SLC18A2: variants seen among roughly 807,000 people sequenced by gnomAD.
SLC18A2 encodes solute carrier family 18 member A2.
Under a neutral mutation model 59.2 loss-of-function variants are expected in SLC18A2, and 33 were observed. The observed-to-expected ratio is 0.56, with a 90% CI of 0.42 to 0.75. The LOEUF is 0.75. SLC18A2 is among the 30% of genes least tolerant of loss of function. The pLI is 0.00. For missense variants in SLC18A2, 569 were observed against 668.6 expected (o/e 0.85, Z 1.64); for synonymous variants, 228 against 253.5 (o/e 0.90, Z 0.95).
intron 15 of SLC18A2, among the ~76,000 whole-genome samples, chr10:117,276,613 C>A (rs1234040291): frequency 1.6e-3 from 74 of 46,736 alleles, no homozygotes; most frequent in East Asian, 3.5e-3. Flanking sequence ...GACTTCATCT[C>A]AAAAAAAAAA....
Position 117,277,235 on chromosome 10 carries a change from TAG to T in SLC18A2, c.1515_1516del (p.Ile505MetfsTer2). The T allele has an allele frequency of 1.2e-6, 2 of 1,609,846 alleles. No homozygotes were observed. Among genetic ancestry groups the T allele is most frequent in the Non-Finnish European group, 1.7e-6 (2 of 1,176,882 alleles). ...CAGAATAATATCCAGTCATATCCGA[TAG>T]GTGAAGATGAAGAATCTGAAAGTGA... On this transcript the variant is annotated frameshift_variant, in exon 16 of 16. Coordinates refer to ENST00000644641, the MANE Select transcript of SLC18A2 (RefSeq NM_003054.6). LOFTEE classifies it high-confidence loss of function.
At chr10:117,267,114 C>T (rs1187783508) in intron 12 of SLC18A2, 79 bp downstream of exon 12, 2 of 1,066,214 alleles carry the variant, frequency 1.9e-6, no homozygotes, top group Non-Finnish European at 1.4e-6. Flanking sequence ...CACCAAGAAA[C>T]ATTTTACGTT....
chr10:117,246,990 A>G (rs1166427428), intron 3 of SLC18A2, among the ~76,000 whole-genome samples: 1 of 152,186 alleles, frequency 6.6e-6, no homozygotes, highest in African/African-American at 2.4e-5. Flanking sequence ...CTGATTTGTA[A>G]TTTGTCTCAT....
Position 117,269,176 on chromosome 10 carries a change from T to C in SLC18A2, c.1187-895T>C, listed in dbSNP as rs1313900533. ...ATATGCACACATACACACATACATA[T>C]ACACACATACACACACACCTACACA... On this transcript the variant is annotated intron_variant, in intron 13 of 15. Transcript: ENST00000644641. The surrounding 1 kb of genome is among the most constrained non-coding windows in gnomAD (Gnocchi z 5.1). 1.5e-5 allele frequency among the ~76,000 whole-genome samples: 2 copies of C among 130,906 alleles called. No homozygotes were observed. The highest frequency in any genetic ancestry group is 2.2e-4 in the East Asian group (1 of 4,462). 85.9% of individuals were successfully genotyped at this position (130,906 alleles called of 152,430 possible). A position where few individuals can be genotyped will look rare whatever the true frequency, so the allele number is the denominator to read the frequency against.
chr10:117,242,477 A>T (rs1844066698), intron 2 of SLC18A2, among the ~76,000 whole-genome samples: 1 of 152,118 alleles, frequency 6.6e-6, no homozygotes. Flanking sequence ...TGAAAAAAAA[A>T]TCACGACTCA....
chr10:117,259,143 G>A (rs986395741), intron 10 of SLC18A2, among the ~76,000 whole-genome samples: 2 of 152,188 alleles, frequency 1.3e-5, no homozygotes, highest in Non-Finnish European at 1.5e-5. Flanking sequence ...TTGTGACTGG[G>A]TAATTATTGT....
intron 10 of SLC18A2, among the ~76,000 whole-genome samples, chr10:117,263,064 C>G (rs1554952446): frequency 1.3e-5 from 2 of 152,144 alleles, no homozygotes; most frequent in Non-Finnish European, 1.5e-5. Context: ...ACTCAACCCG[C>G]TTGCTGCACA....
intron 9 of SLC18A2, among the ~76,000 whole-genome samples, chr10:117,257,431 CTG>C (rs964586789): frequency 6.6e-6 from 1 of 152,124 alleles, no homozygotes; most frequent in African/African-American, 2.4e-5. Flanking sequence ...TGCCCCGAGA[CTG>C]TGTGTGGTCT....
intron 2 of SLC18A2, among the ~76,000 whole-genome samples, chr10:117,242,843 C>G (rs1056692850): frequency 6.6e-6 from 1 of 152,184 alleles, no homozygotes; most frequent in African/African-American, 2.4e-5. Context: ...AGTGATTCTC[C>G]TGCATTAGCC....
chr10:117,245,565 G>T (rs763156961), intron 3 of SLC18A2, among the ~76,000 whole-genome samples: 1 of 152,014 alleles, frequency 6.6e-6, no homozygotes, highest in African/African-American at 2.4e-5. Context: ...GGGGAGTGGG[G>T]CGCAGGACTG....
chr10:117,241,337 G>A, intron 1 of SLC18A2, 117 bp downstream of exon 1: 1 of 192,406 alleles, frequency 5.2e-6, no homozygotes, highest in Non-Finnish European at 1.1e-5. Context: ...CGGGGACCCC[G>A]GGGCAGCCGG....
intron 3 of SLC18A2, among the ~76,000 whole-genome samples, chr10:117,250,647 C>T (rs567562521): frequency 1.3e-5 from 2 of 152,330 alleles, no homozygotes; most frequent in South Asian, 4.1e-4. Flanking sequence ...CAGGGCCTAG[C>T]ACATGTTAAC....
chr10:117,253,941 C>T (rs1844194330), intron 4 of SLC18A2, 107 bp from the exon 5 acceptor site: 2 of 951,780 alleles, frequency 2.1e-6, no homozygotes, highest in South Asian at 1.4e-5. Flanking sequence ...GGGTGGCTAA[C>T]ATGCAAATGC....
In SLC18A2 at chr10:117,269,141, A is replaced by C. The variant is rs1039809957; in HGVS notation, c.1187-930A>C. 5.7e-5 allele frequency among the ~76,000 whole-genome samples: 8 copies of C among 139,580 alleles called. No individual in the cohort carries two copies. Among genetic ancestry groups the C allele is most frequent in the Non-Finnish European group, 9.4e-5 (6 of 64,018 alleles). 91.6% of individuals were successfully genotyped at this position (139,580 alleles called of 152,430 possible). On this transcript the variant is annotated intron_variant, in intron 13 of 15. Coordinates refer to ENST00000644641, the MANE Select transcript of SLC18A2 (RefSeq NM_003054.6). This position sits in a 1 kb window ranked among gnomAD's most constrained non-coding sequence, Gnocchi z 5.1. ...GATACACATACACATACAAACACCC[A>C]CCCACATACATATGCACACATACAC... is the stretch of plus-strand genomic sequence containing the variant.
At chr10:117,248,542 C>T (rs1378645370) in intron 3 of SLC18A2, among the ~76,000 whole-genome samples, 1 of 152,186 alleles carries the variant, frequency 6.6e-6, no homozygotes, top group Non-Finnish European at 1.5e-5. Context: ...CTCTTGCCTC[C>T]TATTTTATAA....
Position 117,254,441 on chromosome 10 carries a change from A to AAG in SLC18A2, c.651_652dup (p.Gly218GlufsTer17). The AAG allele has an allele frequency of 6.2e-7, 1 of 1,609,738 alleles. No individual in the cohort carries two copies. The highest frequency in any genetic ancestry group is 8.5e-7 in the Non-Finnish European group (1 of 1,177,526). ...CTTGCCAGTGTCTACACAGATGATG[A>AAG]AGAGAGAGGCAACGTCATGGGAATC... is the stretch of plus-strand genomic sequence containing the variant. On this transcript the variant is annotated frameshift_variant, in exon 6 of 16. Coordinates refer to ENST00000644641, the MANE Select transcript of SLC18A2 (RefSeq NM_003054.6). LOFTEE classifies it high-confidence loss of function.
chr10:117,268,985 TTCATACACACAA>T (rs1299510450), intron 13 of SLC18A2, among the ~76,000 whole-genome samples: 2 of 151,450 alleles, frequency 1.3e-5, no homozygotes, highest in East Asian at 2.0e-4. Context: ...AACACACACA[TTCATACACACAA>T]ACACACATAC....
chr10:117,241,386 G>A (rs1408651868), intron 1 of SLC18A2, among the ~76,000 whole-genome samples, 166 bp downstream of exon 1: 1 of 151,806 alleles, frequency 6.6e-6, no homozygotes, highest in Non-Finnish European at 1.5e-5. Context: ...GGGGCCGAGC[G>A]TGCAGTTTGG....
intron 3 of SLC18A2, among the ~76,000 whole-genome samples, chr10:117,252,365 C>T (rs1395291462): frequency 6.6e-6 from 1 of 152,018 alleles, no homozygotes; most frequent in South Asian, 2.1e-4. Context: ...GCCCTTCTGC[C>T]TTCCTGGATT....
Sources: gnomAD v4.1 joint callset for allele counts (sites outside exome capture counted in the v4.1 genomes callset) on GRCh38, gnomAD v4.1.1 for gene constraint, Gnocchi (gnomAD v3.1) non-coding constraint, MANE v1.5 for transcripts, NCBI Gene and HGNC (gene_info 2026-07-23, HGNC 2026-07-21) for gene names.